Variants in TGM4 observed in about 807,000 individuals in gnomAD.
TGM4 encodes the protein protein-glutamine gamma-glutamyltransferase 4.
In TGM4, 61 loss-of-function variants were observed where a neutral mutation model predicts 76.3. The observed-to-expected ratio is 0.80, with a 90% confidence interval of 0.65 to 0.99. The LOEUF is 0.99. Ranked by LOEUF, TGM4 falls within the 50% of genes least tolerant of loss-of-function variation. The probability of loss-of-function intolerance (pLI) is 0.00; values close to 1 mark genes in which losing one functional copy is unlikely to be tolerated. For missense variants in TGM4, 794 were observed against 843.2 expected (o/e 0.94, Z 0.72); for synonymous variants, 337 against 329.8 (o/e 1.02, Z -0.24).
At position 44,887,769 on chromosome 3, in the gene TGM4, A is replaced by G; in HGVS notation, c.274A>G (p.Thr92Ala). The change falls in exon 3 of 14, where the codon ACC becomes GCC. Residue 92 changes from threonine to alanine, a missense_variant. Physicochemically the swap from Thr to Ala is moderately conservative, Grantham distance 58 (BLOSUM62 0). Transcript: ENST00000296125. ...TPSDHYNWQA[T>A]LQNESGKEVT... Reference sequence around the variant, plus strand: ...CTCAGACCACTACAACTGGCAGGCAACCCTTCAAAATGAGTCTGGCAAAGA... The same window carrying G: ...CTCAGACCACTACAACTGGCAGGCAGCCCTTCAAAATGAGTCTGGCAAAGA... 1 of 1,614,156 alleles carries G rather than the reference A, an allele frequency of 6.2e-7. No individual in the cohort carries two copies. The highest frequency in any genetic ancestry group is 8.5e-7 in the Non-Finnish European group (1 of 1,180,012).
chr3:44,891,700 C>T (rs1323703597), intron 4 of TGM4, among the ~76,000 whole-genome samples: 2 of 152,166 alleles, frequency 1.3e-5, no homozygotes, highest in East Asian at 1.9e-4. Context: ...AGCAGCCAGG[C>T]GTGGTGGCTC....
intron 1 of TGM4, among the ~76,000 whole-genome samples, chr3:44,879,261 CTCTCTATA>C (rs1341825338): frequency 0.028 from 2,653 of 93,252 alleles, 21 homozygotes; most frequent in South Asian, 0.08. Context: ...CTCTCTCTCT[CTCTCTATA>C]TATATATATA....
intron 5 of TGM4, among the ~76,000 whole-genome samples, chr3:44,896,243 C>T (rs1045804361): frequency 2.0e-5 from 3 of 152,196 alleles, no homozygotes; most frequent in African/African-American, 7.2e-5. Flanking sequence ...TCCCGAGTAG[C>T]TGGGATTACA....
rs2271087 is a variant in TGM4 at position 44,887,795 on chromosome 3, G to T, written c.300G>T (p.Glu100Asp). ...QATLQNESGKEVTVAVTSSPN... is the reference protein window; with the variant it reads ...QATLQNESGKDVTVAVTSSPN... Reference sequence around the variant, plus strand: ...CCCTTCAAAATGAGTCTGGCAAAGAGGTGAGCACCCACTGGGCTGGCGGGT... The same window carrying T: ...CCCTTCAAAATGAGTCTGGCAAAGATGTGAGCACCCACTGGGCTGGCGGGT... Residue 100 changes from glutamate (E) to aspartate (D), a missense_variant and splice_region_variant, in exon 3 of 14, where the codon GAG becomes GAT. Physicochemically the swap from Glu to Asp is conservative, Grantham distance 45. Coordinates refer to ENST00000296125, the MANE Select transcript of TGM4 (RefSeq NM_003241.4). 8 of 1,613,722 alleles carry T rather than the reference G, an allele frequency of 5.0e-6. No homozygotes were observed. Among genetic ancestry groups the T allele is most frequent in the South Asian group, 3.3e-5 (3 of 91,084 alleles).
At chr3:44,899,640 C>A (rs565243363) in intron 6 of TGM4, 1 of 152,258 alleles carries the variant, frequency 6.6e-6, no homozygotes, top group Admixed American at 6.5e-5. Context: ...CAGGGAACCT[C>A]GGCGCAGCAG....
intron 4 of TGM4, among the ~76,000 whole-genome samples, chr3:44,891,307 G>A (rs1430274012): frequency 2.6e-5 from 4 of 152,104 alleles, no homozygotes; most frequent in African/African-American, 9.7e-5. Flanking sequence ...CTCTCCTGGG[G>A]CCTTCTTGAA....
At chr3:44,880,820 G>T (rs1277744373) in intron 1 of TGM4, among the ~76,000 whole-genome samples, 2 of 152,132 alleles carry the variant, frequency 1.3e-5, no homozygotes, top group Non-Finnish European at 1.5e-5. Context: ...GTTTGCAAGA[G>T]GGACAAAAGC....
intron 3 of TGM4, among the ~76,000 whole-genome samples, chr3:44,889,513 A>T (rs1293880917): frequency 4.6e-5 from 7 of 152,204 alleles, no homozygotes; most frequent in Non-Finnish European, 1.0e-4. Flanking sequence ...GTCTCAAAAA[A>T]AAGGGGGAAG....
chr3:44,878,932 A>T (rs931761316), intron 1 of TGM4, among the ~76,000 whole-genome samples: 1 of 152,142 alleles, frequency 6.6e-6, no homozygotes, highest in Non-Finnish European at 1.5e-5. Flanking sequence ...TATATAGTTT[A>T]GCCCTTTTCA....
chr3:44,879,238 T>C (rs913801852), intron 1 of TGM4, among the ~76,000 whole-genome samples: 1 of 81,286 alleles, frequency 1.2e-5, no homozygotes, highest in African/African-American at 4.8e-5. Context: ...TATTTTATGG[T>C]CTCTCTCTCT....
At chr3:44,895,077 T>C (rs1466246552) in intron 5 of TGM4, among the ~76,000 whole-genome samples, 4 of 150,788 alleles carry the variant, frequency 2.7e-5, no homozygotes, top group Non-Finnish European at 5.9e-5. Context: ...AGGCAGATCA[T>C]GAGGCCCGGA....
chr3:44,892,090 C>G (rs1484336887), intron 4 of TGM4, among the ~76,000 whole-genome samples: 1 of 151,716 alleles, frequency 6.6e-6, no homozygotes, highest in East Asian at 2.0e-4. Flanking sequence ...AACCCTGTTT[C>G]TACTAAAAAT....
At position 44,914,090 on chromosome 3, in the gene TGM4, C is replaced by T. The variant is rs117169470; in HGVS notation, c.*365C>T. ...GCAGCCCAGTGCTGCCACCTGCTGA[C>T]GACCCTTGAGAAGCTGCCATATCTT... On this transcript the variant is annotated 3_prime_UTR_variant, in exon 14 of 14. Coordinates refer to ENST00000296125, the MANE Select transcript of TGM4 (RefSeq NM_003241.4). 7.8e-4 allele frequency: 148 copies of T among 189,630 alleles called. 8 individuals carry two copies. In the East Asian group the frequency reaches 0.02, roughly 25 times the overall value. The allele number at this position is 189,630 out of a possible 1,614,324, so 11.7% of individuals were successfully genotyped here. A position where few individuals can be genotyped will look rare whatever the true frequency, so the allele number is the denominator to read the frequency against.
At chr3:44,885,296 T>C (rs770929696) in intron 1 of TGM4, 29 bp from the exon 2 acceptor site, 5 of 1,577,326 alleles carry the variant, frequency 3.2e-6, no homozygotes, top group Non-Finnish European at 4.3e-6. Context: ...CTCTGTGCTC[T>C]CTTTCCACAT....
At chr3:44,884,924 C>T (rs960478744) in intron 1 of TGM4, among the ~76,000 whole-genome samples, 1 of 152,178 alleles carries the variant, frequency 6.6e-6, no homozygotes, top group African/African-American at 2.4e-5. Context: ...ACCCTGGCAC[C>T]AGGTTTGTTC....
intron 9 of TGM4, 58 bp from the exon 10 acceptor site, chr3:44,906,891 C>T: frequency 1.9e-6 from 3 of 1,595,700 alleles, no homozygotes; most frequent in Non-Finnish European, 2.6e-6. Context: ...GCCACTGGGT[C>T]CAGGCTGGGT....
In TGM4 at chr3:44,901,523, G is replaced by A; in HGVS notation, c.658-1G>A. 1 of 1,602,686 alleles carries A rather than the reference G, an allele frequency of 6.2e-7. No homozygotes were observed. The highest frequency in any genetic ancestry group is 8.5e-7 in the Non-Finnish European group (1 of 1,171,718). On this transcript the variant is annotated splice_acceptor_variant, in intron 6 of 13. Coordinates refer to ENST00000296125, the MANE Select transcript of TGM4 (RefSeq NM_003241.4). LOFTEE classifies it high-confidence loss of function. Reference sequence around the variant, plus strand: ...TGACCCCACCCCTACGTGTGTGGCAGATGAGCTTTGAGAAAGGCCAGGGCG... The same window carrying A: ...TGACCCCACCCCTACGTGTGTGGCAAATGAGCTTTGAGAAAGGCCAGGGCG...
In TGM4 at chr3:44,910,285, GC is replaced by G. The variant is rs1243246402; in HGVS notation, c.1524del (p.Ser509ProfsTer31). 4 of 1,614,018 alleles carry G rather than the reference GC, an allele frequency of 2.5e-6. No homozygotes were observed. In the East Asian group the frequency reaches 8.9e-5, roughly 36 times the overall value. ...TAALQNVNILGSFELQLYTGK... is the reference protein window; with the variant it reads ...TAALQNVNILXSFELQLYTGK... ...GCCCTACAGAATGTCAACATCTTGG[GC>G]TCCTTTGAACTACAGTTGTACACTG... On this transcript the variant is annotated frameshift_variant, in exon 11 of 14. Coordinates refer to ENST00000296125, the MANE Select transcript of TGM4 (RefSeq NM_003241.4). LOFTEE classifies it high-confidence loss of function.
intron 2 of TGM4, among the ~76,000 whole-genome samples, chr3:44,886,638 C>G (rs377161249): frequency 6.6e-6 from 1 of 152,212 alleles, no homozygotes; most frequent in African/African-American, 2.4e-5. Flanking sequence ...CCAAAATTTC[C>G]TGAGTACTTG....
Sources: gnomAD v4.1 joint callset for allele counts (sites outside exome capture counted in the v4.1 genomes callset) on GRCh38, gnomAD v4.1.1 for gene constraint, MANE v1.5 for transcripts, NCBI Gene and HGNC (gene_info 2026-07-23, HGNC 2026-07-21) for gene names.